ZNF554: variants seen among roughly 807,000 people sequenced by gnomAD.
ZNF554 encodes the protein zinc finger protein 554.
ZNF554 carries 15 observed loss-of-function variants against 21.2 expected under a neutral mutation model. The observed-to-expected ratio is 0.71, with a 90% CI of 0.47 to 1.09. The LOEUF (loss-of-function observed/expected upper bound fraction) is 1.09. Ranked by LOEUF, ZNF554 falls within the 50% of genes least tolerant of loss-of-function variation. ZNF554 has a pLI of 0.00. For missense variants in ZNF554, 691 were observed against 662.7 expected, an observed-to-expected ratio of 1.04 and a Z score of -0.47; for synonymous variants, 258 against 251.4, an observed-to-expected ratio of 1.03 and a Z score of -0.25.
chr19:2,831,497 T>G (rs1287389241), intron 3 of ZNF554: 1 of 151,790 alleles, frequency 6.6e-6, no homozygotes, highest in East Asian at 1.9e-4. Context: ...GGTTTCACCG[T>G]GTTAGCCAGG....
Position 2,833,943 on chromosome 19 carries a change from G to T in ZNF554, c.708G>T (p.Gln236His). Residue 236 changes from glutamine (Q) to histidine (H), a missense_variant, in exon 5 of 5, where the codon CAG (glutamine) becomes CAT (histidine). Gln to His is a conservative substitution (Grantham distance 24). Coordinates refer to ENST00000317243, the MANE Select transcript of ZNF554 (RefSeq NM_001102651.2). The stretch of plus-strand genomic sequence containing the variant: ...TGAGCCCAGCCCTTGTTTTATCACA[G>T]GGAAGCTCTAAAGGGAACCACTTGT... ...GNLSPALVLS[Q>H]GSSKGNHLCG... is the part of the protein sequence containing the mutation. 5 of 1,614,090 alleles carry T rather than the reference G, an allele frequency of 3.1e-6. No homozygotes were observed. Among genetic ancestry groups the T allele is most frequent in the Non-Finnish European group, 4.2e-6 (5 of 1,180,048 alleles).
At chr19:2,826,290 T>G (rs570620638) in intron 2 of ZNF554, 13 of 146,030 alleles carry the variant, frequency 8.9e-5, no homozygotes, top group African/African-American at 3.3e-4. Context: ...CTGCAACCTC[T>G]GCCTCCCGGT....
Position 2,824,649 on chromosome 19 carries a change from T to C in ZNF554, c.126+1537T>C, listed in dbSNP as rs4299269. 1.9e-3 allele frequency among the ~76,000 whole-genome samples: 279 copies of C among 150,030 alleles called. 1 individual carries two copies. The highest frequency in any genetic ancestry group is 3.8e-3 in the African/African-American group (154 of 40,960). On this transcript the variant is annotated intron_variant, in intron 2 of 4. Transcript: ENST00000317243. Reference sequence around the variant, plus strand: ...TACATATGAACTTTACCGTCTTAGCTGTTGATAAAACACACATGAAATACA... The same window carrying C: ...TACATATGAACTTTACCGTCTTAGCCGTTGATAAAACACACATGAAATACA...
rs1346776511 is a variant in ZNF554 at position 2,836,537 on chromosome 19, A to G, written c.*1685A>G. ...CAAGGGCTTCAAAATAGTACTAGTA[A>G]TTTGATCCATTCACAAAAGGACAAA... On this transcript the variant is annotated 3_prime_UTR_variant, in exon 5 of 5. Transcript: ENST00000317243. Among the ~76,000 whole-genome samples, 1 of 152,240 alleles carries G rather than the reference A, an allele frequency of 6.6e-6. No individual in the cohort carries two copies. The highest frequency in any genetic ancestry group is 2.4e-5 in the African/African-American group (1 of 41,452).
intron 1 of ZNF554, among the ~76,000 whole-genome samples, chr19:2,820,702 A>ATTTTTT (rs2087251581): frequency 1.7e-5 from 1 of 58,004 alleles, no homozygotes; most frequent in Admixed American, 1.5e-4. Flanking sequence ...TTTTTTTTTG[A>ATTTTTT]GACGGAGTCT....
At position 2,836,728 on chromosome 19, in the gene ZNF554, T is replaced by C. The variant is rs944420420; in HGVS notation, c.*1876T>C. 6.6e-6 allele frequency among the ~76,000 whole-genome samples: 1 copy of C among 152,186 alleles called. No individual in the cohort carries two copies. Among genetic ancestry groups the C allele is most frequent in the African/African-American group, 2.4e-5 (1 of 41,436 alleles). The stretch of plus-strand genomic sequence containing the variant: ...AAATTGTGAAGGATACGGAACCTCA[T>C]TGATGAGTCAGGATAGACTGTGGGT... On this transcript the variant is annotated 3_prime_UTR_variant, in exon 5 of 5. Transcript: ENST00000317243.
intron 2 of ZNF554, 89 bp from the exon 3 acceptor site, chr19:2,827,528 A>C: frequency 6.6e-7 from 1 of 1,513,072 alleles, no homozygotes; most frequent in Non-Finnish European, 8.9e-7. Context: ...ACCTTTCTCA[A>C]CTTCCCTGGT....
intron 2 of ZNF554, among the ~76,000 whole-genome samples, chr19:2,825,019 T>G (rs1021983212): frequency 2.9e-4 from 43 of 148,412 alleles, no homozygotes; most frequent in African/African-American, 8.4e-4. Flanking sequence ...TTTTTTTTTT[T>G]TTTTTTTTTT....
At chr19:2,827,518 ACCTTTCTCAACTTCCCTGGTG>A (rs1193548899) in intron 2 of ZNF554, 78 bp from the exon 3 acceptor site, 2 of 1,464,370 alleles carry the variant, frequency 1.4e-6, no homozygotes, top group African/African-American at 2.8e-5. Context: ...TTGCACCTTG[ACCTTTCTCAACTTCCCTGGTG>A]CCACCAACCT....
chr19:2,829,084 C>T (rs529655732), intron 3 of ZNF554, among the ~76,000 whole-genome samples: 3 of 151,950 alleles, frequency 2.0e-5, no homozygotes, highest in Non-Finnish European at 4.4e-5. Flanking sequence ...GTAGGCTGGG[C>T]GTGGTGGTTC....
chr19:2,828,355 G>T (rs2087364147), intron 3 of ZNF554, among the ~76,000 whole-genome samples: 1 of 152,114 alleles, frequency 6.6e-6, no homozygotes, highest in Non-Finnish European at 1.5e-5. Context: ...ATTCCCCTTG[G>T]GAACAAAGTC....
In ZNF554 at chr19:2,824,826, A is replaced by C. The variant is rs532198320; in HGVS notation, c.126+1714A>C. Among the ~76,000 whole-genome samples, 105 of 151,978 alleles carry C rather than the reference A, an allele frequency of 6.9e-4. 1 individual carries two copies. Among genetic ancestry groups the C allele is most frequent in the African/African-American group, 2.4e-3 (98 of 41,420 alleles). ...AGAACTTCCTCCTCTTCCCAAACTG[A>C]AGCTCTGTCCCCATGAGACACTCAT... On this transcript the variant is annotated intron_variant, in intron 2 of 4. Transcript: ENST00000317243.
chr19:2,832,004 C>T (rs954149010), intron 3 of ZNF554: 9 of 200,600 alleles, frequency 4.5e-5, no homozygotes, highest in African/African-American at 2.1e-4. Context: ...CGGCTCACTG[C>T]AACCTCTGCC....
rs778838187 is a variant in ZNF554, at chr19:2,823,077, A to G, written c.91A>G (p.Arg31Gly). 8.1e-6 allele frequency: 13 copies of G among 1,613,238 alleles called. No homozygotes were observed. The African/African-American group carries it at 1.7e-4, about 22-fold the overall frequency. The change falls in exon 2 of 5, where the codon AGA becomes GGA. Residue 31 changes from arginine to glycine, a missense_variant. Transcript: ENST00000317243. Reference protein sequence around the residue: ...CPGTCFSQEERMAAGYLPRWS... With the variant: ...CPGTCFSQEEGMAAGYLPRWS... ...AGGAACCTGCTTTTCCCAAGAGGAG[A>G]GAATGGCTGCTGGGTACCTGCCCCG... is the stretch of plus-strand genomic sequence containing the variant.
intron 3 of ZNF554, among the ~76,000 whole-genome samples, chr19:2,828,721 G>A (rs554487663): frequency 6.6e-6 from 1 of 151,728 alleles, no homozygotes; most frequent in South Asian, 2.1e-4. Context: ...TGGAGTCACA[G>A]TTCCACATGG....
At position 2,834,797 on chromosome 19, in the gene ZNF554, A is replaced by G; in HGVS notation, c.1562A>G (p.Lys521Arg). The G allele has an allele frequency of 1.2e-6, 2 of 1,611,096 alleles. No individual in the cohort carries two copies. The highest frequency in any genetic ancestry group is 1.7e-6 in the Non-Finnish European group (2 of 1,177,900). Residue 521 changes from lysine to arginine, a missense_variant, in exon 5 of 5, where the codon AAA (lysine) becomes AGA (arginine). By Grantham distance (26) the Lys-to-Arg change is conservative. Transcript: ENST00000317243. ...ACTCACAGCAGCCAGAAAACCTATA[A>G]AATCATTGACTGTGGGAAAGCGTTC... ...QKTHSSQKTY[K>R]IIDCGKAFYQ...
chr19:2,822,612 T>C (rs748580539), intron 1 of ZNF554, among the ~76,000 whole-genome samples: 14 of 152,080 alleles, frequency 9.2e-5, no homozygotes, highest in Non-Finnish European at 1.9e-4. Flanking sequence ...GTGTGTGGCG[T>C]CTCACACCTT....
chr19:2,823,201 C>T lies in ZNF554; in HGVS notation c.126+89C>T, dbSNP rs928076903. On this transcript the variant is annotated intron_variant, in intron 2 of 4. Transcript: ENST00000317243. ...ACTCAGTCCTCGATAGAGGAGACCC[C>T]TTGCTATGTGAAAGTTCAGGAGAAT... is the stretch of plus-strand genomic sequence containing the variant. 6.8e-6 allele frequency: 9 copies of T among 1,316,922 alleles called. No homozygotes were observed. The Middle Eastern group carries it at 5.8e-4, about 84-fold the overall frequency. The allele number at this position is 1,316,922 out of a possible 1,614,324, so 81.6% of individuals were successfully genotyped here. A position where few individuals can be genotyped will look rare whatever the true frequency, so the allele number is the denominator to read the frequency against.
chr19:2,826,925 G>A (rs879333082), intron 2 of ZNF554, among the ~76,000 whole-genome samples: 10 of 152,184 alleles, frequency 6.6e-5, no homozygotes, highest in Non-Finnish European at 1.5e-4. Context: ...GCCTCTCAAA[G>A]TGCTGGGATT....
Sources: gnomAD v4.1 joint callset for allele counts (sites outside exome capture counted in the v4.1 genomes callset) on GRCh38, gnomAD v4.1.1 for gene constraint, MANE v1.5 for transcripts, NCBI Gene and HGNC (gene_info 2026-07-23, HGNC 2026-07-21) for gene names.